Variants in VEZT observed in about 807,000 individuals in gnomAD.
VEZT encodes vezatin.
A neutral mutation model predicts 79.9 loss-of-function variants in VEZT; 39 were observed. The ratio of observed to expected loss-of-function variants is 0.49; its 90% CI spans 0.38 to 0.64. VEZT has a LOEUF of 0.64. Among genes scored for constraint, VEZT ranks in the 30% least tolerant of loss-of-function variants. The probability of loss-of-function intolerance (pLI) is 0.00; values close to 1 mark genes in which losing one functional copy is unlikely to be tolerated. For missense variants in VEZT, 837 were observed against 893.1 expected (o/e 0.94, Z 0.80); for synonymous variants, 325 against 327.6 (o/e 0.99, Z 0.09).
At position 95,294,330 on chromosome 12, in the gene VEZT, T is replaced by C; in HGVS notation, c.1581T>C (p.Pro527=). 21 of 1,592,292 alleles carry C rather than the reference T, an allele frequency of 1.3e-5. No homozygotes were observed. Among genetic ancestry groups the C allele is most frequent in the Non-Finnish European group, 1.8e-5 (21 of 1,168,824 alleles). ...PHCTVVPLKQ[P]TLHIADKDPI... ...GTACAGTAGTACCTTTGAAGCAGCC[T>C]ACTCTACACATTGCAGACAAAGATC... The change falls in exon 10 of 12, where the codon CCT becomes CCC. Residue 527 remains proline (P), a synonymous_variant. Transcript: ENST00000436874.
Position 95,301,561 on chromosome 12 carries a change from C to T in VEZT, c.*888C>T, listed in dbSNP as rs982948678. 2.6e-5 allele frequency: 4 copies of T among 152,288 alleles called. No individual in the cohort carries two copies. Among genetic ancestry groups the T allele is most frequent in the African/African-American group, 9.6e-5 (4 of 41,568 alleles). 9.4% of individuals were successfully genotyped at this position (152,288 alleles called of 1,614,324 possible). A position where few individuals can be genotyped will look rare whatever the true frequency, so the allele number is the denominator to read the frequency against. On this transcript the variant is annotated 3_prime_UTR_variant, in exon 12 of 12. Coordinates refer to ENST00000436874, the MANE Select transcript of VEZT (RefSeq NM_017599.4). ...AGCCTCCTGGAAAGCATCCTTGTCTCCTTAGTATTTCATTTACAAACTACC... is the reference window on the plus strand; with the variant it reads ...AGCCTCCTGGAAAGCATCCTTGTCTTCTTAGTATTTCATTTACAAACTACC...
chr12:95,300,802 C>T lies in VEZT; in HGVS notation c.*129C>T, dbSNP rs554677553. On this transcript the variant is annotated 3_prime_UTR_variant, in exon 12 of 12. Coordinates refer to ENST00000436874, the MANE Select transcript of VEZT (RefSeq NM_017599.4). ...CTAAGATGTGGATTTACAGGAAGAA[C>T]CCTGGTTTGAATAACTGATCTGAAA... 166 of 1,276,850 alleles carry T rather than the reference C, an allele frequency of 1.3e-4. No homozygotes were observed. Among genetic ancestry groups the T allele is most frequent in the Non-Finnish European group, 1.7e-4 (164 of 988,642 alleles). 79.1% of individuals were successfully genotyped at this position (1,276,850 alleles called of 1,614,324 possible). A position where few individuals can be genotyped will look rare whatever the true frequency, so the allele number is the denominator to read the frequency against.
chr12:95,281,983 C>A (rs2069272815), intron 7 of VEZT, among the ~76,000 whole-genome samples: 1 of 151,946 alleles, frequency 6.6e-6, no homozygotes, highest in African/African-American at 2.4e-5. Context: ...CTACTATCTT[C>A]TTTTCTCCTA....
intron 1 of VEZT, among the ~76,000 whole-genome samples, chr12:95,246,927 A>G (rs2061800273): frequency 6.6e-6 from 1 of 152,190 alleles, no homozygotes; most frequent in Non-Finnish European, 1.5e-5. Context: ...CTGCACAAAA[A>G]CACCCCTTTC....
intron 6 of VEZT, 112 bp from the exon 7 acceptor site, chr12:95,274,630 T>G (rs73376208): frequency 6.8e-6 from 8 of 1,173,214 alleles, no homozygotes; most frequent in Non-Finnish European, 9.3e-6. Context: ...GCTGTAAACC[T>G]CCTCATCCAA....
At chr12:95,277,880 C>T (rs1328743440) in intron 7 of VEZT, among the ~76,000 whole-genome samples, 2 of 152,190 alleles carry the variant, frequency 1.3e-5, no homozygotes, top group Admixed American at 6.5e-5. Flanking sequence ...TATTTCATTT[C>T]CTTTTAAATT....
At position 95,296,253 on chromosome 12, in the gene VEZT, A is replaced by G. The variant is rs200447313; in HGVS notation, c.1826A>G (p.Asp609Gly). Residue 609 changes from aspartate to glycine, a missense_variant, in exon 11 of 12, where the codon GAT becomes GGT. Transcript: ENST00000436874. ...AAGTGGAAGCAACTTCTATTTAGTG[A>G]TCATGGTAAGCACTGACTTTAAAGT... ...RQKWKQLLFS[D>G]HAVLKSLSPV... is the part of the protein sequence containing the mutation. 2.8e-4 allele frequency: 439 copies of G among 1,578,368 alleles called. No homozygotes were observed. The highest frequency in any genetic ancestry group is 3.4e-4 in the Non-Finnish European group (391 of 1,161,156).
chr12:95,228,791 C>G (rs1378706407), intron 1 of VEZT, among the ~76,000 whole-genome samples: 5 of 152,130 alleles, frequency 3.3e-5, no homozygotes, highest in Non-Finnish European at 1.5e-5. Flanking sequence ...ATCACATGAA[C>G]TCAGGAGTTC....
At chr12:95,280,304 C>G (rs764896795) in intron 7 of VEZT, among the ~76,000 whole-genome samples, 22 of 152,128 alleles carry the variant, frequency 1.4e-4, no homozygotes, top group Non-Finnish European at 2.6e-4. Flanking sequence ...CTGTGTGCTC[C>G]CACAACAGTA....
At chr12:95,253,179 A>C (rs2062889529) in intron 2 of VEZT, among the ~76,000 whole-genome samples, 2 of 152,204 alleles carry the variant, frequency 1.3e-5, no homozygotes, top group Admixed American at 1.3e-4. Flanking sequence ...AAACATAACC[A>C]AATTTCCTCA....
chr12:95,249,530 T>G (rs938559865), intron 1 of VEZT, among the ~76,000 whole-genome samples: 1 of 152,164 alleles, frequency 6.6e-6, no homozygotes, highest in Non-Finnish European at 1.5e-5. Flanking sequence ...TTAAAAAATA[T>G]TTTTCTTAAA....
Position 95,301,568 on chromosome 12 carries a change from ATTT to A in VEZT, c.*896_*898del, listed in dbSNP as rs1260839657. The A allele has an allele frequency of 1.3e-5, 2 of 152,170 alleles. No homozygotes were observed. Among genetic ancestry groups the A allele is most frequent in the Non-Finnish European group, 2.9e-5 (2 of 68,030 alleles). The allele number at this position is 152,170 out of a possible 1,614,324, so 9.4% of individuals were successfully genotyped here. On this transcript the variant is annotated 3_prime_UTR_variant, in exon 12 of 12. Coordinates refer to ENST00000436874, the MANE Select transcript of VEZT (RefSeq NM_017599.4). ...TGGAAAGCATCCTTGTCTCCTTAGT[ATTT>A]CATTTACAAACTACCTCTTAACAGA...
intron 7 of VEZT, among the ~76,000 whole-genome samples, chr12:95,277,293 T>G (rs1054565038): frequency 2.0e-5 from 3 of 152,172 alleles, no homozygotes; most frequent in Non-Finnish European, 4.4e-5. Context: ...TGCCTGAAAG[T>G]TCAAAAATAG....
At chr12:95,238,659 A>C (rs969937331) in intron 1 of VEZT, among the ~76,000 whole-genome samples, 16 of 152,262 alleles carry the variant, frequency 1.1e-4, no homozygotes, top group African/African-American at 3.4e-4. Context: ...CTTCTAATAC[A>C]TCACCTTCCT....
intron 7 of VEZT, among the ~76,000 whole-genome samples, chr12:95,278,664 G>A (rs1172093692): frequency 6.6e-6 from 1 of 152,168 alleles, no homozygotes; most frequent in Non-Finnish European, 1.5e-5. Context: ...TCTTCCCTCA[G>A]GAAAGTTTAG....
intron 8 of VEZT, 84 bp downstream of exon 8, chr12:95,282,728 T>C: frequency 4.1e-6 from 5 of 1,232,154 alleles, no homozygotes; most frequent in South Asian, 1.7e-5. Flanking sequence ...GCTTGTGTCC[T>C]ACCTAGAAAA....
intron 6 of VEZT, among the ~76,000 whole-genome samples, chr12:95,271,092 G>T (rs1216695287): frequency 2.0e-5 from 3 of 152,128 alleles, no homozygotes; most frequent in African/African-American, 7.2e-5. Context: ...GAGGTTAAGT[G>T]ACTTGTGCAG....
At chr12:95,262,475 T>C (rs1422654654) in intron 3 of VEZT, 5 of 153,848 alleles carry the variant, frequency 3.2e-5, no homozygotes, top group South Asian at 2.0e-4. Flanking sequence ...TTTTTAAATA[T>C]CTGAATATCC....
In VEZT at chr12:95,235,318, C is replaced by T. The variant is rs866913737; in HGVS notation, c.37-16622C>T. On this transcript the variant is annotated intron_variant, in intron 1 of 11. Transcript: ENST00000436874. ...CCACCCACCTCCCTCCCGGACGGGGCGGCTGGCCGGGCAGAGGGGCTCCTC... is the reference window on the plus strand; with the variant it reads ...CCACCCACCTCCCTCCCGGACGGGGTGGCTGGCCGGGCAGAGGGGCTCCTC... 6.4e-3 allele frequency among the ~76,000 whole-genome samples: 745 copies of T among 115,520 alleles called. 35 individuals carry two copies. The highest frequency in any genetic ancestry group is 0.024 in the African/African-American group (702 of 28,722). The allele number at this position is 115,520 out of a possible 152,430, so 75.8% of individuals were successfully genotyped here.
Sources: allele counts gnomAD v4.1 joint callset (sites outside exome capture counted in the v4.1 genomes callset), GRCh38; gene constraint gnomAD v4.1.1; transcripts MANE v1.5; gene names NCBI Gene and HGNC (gene_info 2026-07-23, HGNC 2026-07-21).